ZNF285: variants seen among roughly 807,000 people sequenced by gnomAD.
ZNF285 encodes zinc finger protein 285A.
ZNF285 carries 4 observed loss-of-function variants against 6.2 expected under a neutral mutation model. The ratio of observed to expected loss-of-function variants is 0.65; its 90% CI spans 0.32 to 1.49. ZNF285 has a LOEUF of 1.49. Among genes scored for constraint, ZNF285 ranks in the 40% most tolerant of loss-of-function variants. ZNF285 has a pLI of 0.07. For synonymous variants in ZNF285, 240 were observed against 245.8 expected (o/e 0.98, Z 0.22); for missense variants, 695 against 708.8 (o/e 0.98, Z 0.22).
intron 2 of ZNF285, among the ~76,000 whole-genome samples, chr19:44,395,544 G>T (rs1269265761): frequency 6.6e-6 from 1 of 152,116 alleles, no homozygotes; most frequent in African/African-American, 2.4e-5. Flanking sequence ...GATAATCAGG[G>T]AAATTTGATT....
intron 2 of ZNF285, among the ~76,000 whole-genome samples, chr19:44,393,453 C>T (rs1225491666): frequency 6.6e-6 from 1 of 152,124 alleles, no homozygotes; most frequent in East Asian, 1.9e-4. Context: ...TGTTCATATC[C>T]TTCACCCACT....
chr19:44,394,673 A>G (rs1376265845), intron 2 of ZNF285: 11 of 410,308 alleles, frequency 2.7e-5, no homozygotes, highest in Non-Finnish European at 4.7e-5. Context: ...TTAAGTATTT[A>G]CAGATATGTT....
At position 44,386,213 on chromosome 19, in the gene ZNF285, T is replaced by A. The variant is rs1161022203; in HGVS notation, c.*259A>T. ...CTTTAATGGAAATTTGACCACTAACTACAACCACTACCACAAACCACCCAT... is the reference window on the plus strand; with the variant it reads ...CTTTAATGGAAATTTGACCACTAACAACAACCACTACCACAAACCACCCAT... On this transcript the variant is annotated 3_prime_UTR_variant, in exon 4 of 4. Transcript: ENST00000614994. 5.1e-6 allele frequency: 2 copies of A among 395,774 alleles called. No individual in the cohort carries two copies. The highest frequency in any genetic ancestry group is 9.1e-6 in the Non-Finnish European group (2 of 219,884). The allele number at this position is 395,774 out of a possible 1,614,324, so 24.5% of individuals were successfully genotyped here. A position where few individuals can be genotyped will look rare whatever the true frequency, so the allele number is the denominator to read the frequency against.
At chr19:44,399,274 G>C (rs1971335628) in intron 1 of ZNF285, among the ~76,000 whole-genome samples, 1 of 144,652 alleles carries the variant, frequency 6.9e-6, no homozygotes, top group African/African-American at 2.8e-5. Context: ...CTCCAACAAA[G>C]GCCAAAATAA....
At chr19:44,395,332 A>G in intron 2 of ZNF285, among the ~76,000 whole-genome samples, 1 of 152,184 alleles carries the variant, frequency 6.6e-6, no homozygotes, top group Admixed American at 6.5e-5. Flanking sequence ...AAAAGGAAGC[A>G]AACAAATGCA....
chr19:44,390,819 T>G (rs1200237146), intron 3 of ZNF285, among the ~76,000 whole-genome samples: 1 of 152,052 alleles, frequency 6.6e-6, no homozygotes, highest in Non-Finnish European at 1.5e-5. Context: ...CTGTGTTTTC[T>G]CATGATAGTG....
intron 2 of ZNF285, among the ~76,000 whole-genome samples, chr19:44,394,053 A>G (rs1387284726): frequency 6.6e-6 from 1 of 152,174 alleles, no homozygotes; most frequent in Non-Finnish European, 1.5e-5. Flanking sequence ...AATGTGGCAT[A>G]TATACACCAT....
chr19:44,392,030 G>C (rs1160285988), intron 3 of ZNF285, among the ~76,000 whole-genome samples: 1 of 152,030 alleles, frequency 6.6e-6, no homozygotes, highest in Non-Finnish European at 1.5e-5. Flanking sequence ...AATTTTATCA[G>C]TCTCATTCTG....
rs949785169 is a variant in ZNF285, at chr19:44,383,896, T to C, written c.*2576A>G. 10 of 152,202 alleles carry C rather than the reference T, an allele frequency of 6.6e-5. No homozygotes were observed. The highest frequency in any genetic ancestry group is 2.4e-4 in the African/African-American group (10 of 41,446). 9.4% of individuals were successfully genotyped at this position (152,202 alleles called of 1,614,324 possible). On this transcript the variant is annotated 3_prime_UTR_variant, in exon 4 of 4. Transcript: ENST00000614994. ...AACAATTTTGTGAAGTAGGGAGACA[T>C]TCCTGTTAGCATCATATATTTAAAA...
chr19:44,390,700 C>G (rs1192468381), intron 3 of ZNF285, among the ~76,000 whole-genome samples: 47 of 151,900 alleles, frequency 3.1e-4, no homozygotes, highest in Non-Finnish European at 1.5e-5. Flanking sequence ...ATAATATGGT[C>G]TGGCTGTGTC....
Position 44,386,883 on chromosome 19 carries a change from T to A in ZNF285, c.1362A>T (p.Lys454Asn), listed in dbSNP as rs761680295. The A allele has an allele frequency of 6.2e-7, 1 of 1,614,142 alleles. No homozygotes were observed. The highest frequency in any genetic ancestry group is 8.5e-7 in the Non-Finnish European group (1 of 1,180,016). ...HIHQRVHTGE[K>N]PYKCNVCGKD... ...TTCCACACACATTGCATTTGTATGG[T>A]TTCTCCCCTGTGTGGACTCTCTGGT... The change falls in exon 4 of 4, where the codon AAA becomes AAT. Residue 454 changes from lysine (K) to asparagine (N), a missense_variant. Lys to Asn is a moderately conservative substitution (Grantham distance 94). Coordinates refer to ENST00000614994, the MANE Select transcript of ZNF285 (RefSeq NM_152354.6).
intron 3 of ZNF285, among the ~76,000 whole-genome samples, chr19:44,389,420 G>T (rs1420551176): frequency 6.6e-6 from 1 of 152,138 alleles, no homozygotes; most frequent in Non-Finnish European, 1.5e-5. Context: ...ACCATGAGCT[G>T]CCCCGAATGG....
rs530584112 is a variant in ZNF285, at chr19:44,397,388, G to A, written c.-43-132C>T. 3.5e-5 allele frequency: 38 copies of A among 1,078,290 alleles called. 1 individual carries two copies. The African/African-American group carries it at 4.6e-4, about 13-fold the overall frequency. The allele number at this position is 1,078,290 out of a possible 1,614,324, so 66.8% of individuals were successfully genotyped here. A position where few individuals can be genotyped will look rare whatever the true frequency, so the allele number is the denominator to read the frequency against. On this transcript the variant is annotated intron_variant, in intron 1 of 3. Coordinates refer to ENST00000614994, the MANE Select transcript of ZNF285 (RefSeq NM_152354.6). ...ATATCATCTCTTCTCGCTCTGAACA[G>A]ACTGAACTCCCACCTCCTCAAGACT... is the stretch of plus-strand genomic sequence containing the variant.
intron 2 of ZNF285, among the ~76,000 whole-genome samples, chr19:44,394,830 C>T (rs1971254142): frequency 2.6e-5 from 4 of 152,158 alleles, no homozygotes; most frequent in Admixed American, 1.3e-4. Flanking sequence ...CTAGGGGAGT[C>T]AGCACGGTTG....
chr19:44,386,820 CT>C lies in ZNF285; in HGVS notation c.1424del (p.Gln475ArgfsTer89). On this transcript the variant is annotated frameshift_variant, in exon 4 of 4. Transcript: ENST00000614994. LOFTEE classifies it low-confidence loss of function (END_TRUNC). ...ATGGTTTTTCTCCAGTGTGAACTCT[CT>C]GATGAGTGTGAAGAACAGAGCTATA... ...FAYSSVLHTHQRVHTGEKPYK... is the reference protein window; with the variant it reads ...FAYSSVLHTHXRVHTGEKPYK... 1 of 1,614,246 alleles carries C rather than the reference CT, an allele frequency of 6.2e-7. No homozygotes were observed. Among genetic ancestry groups the C allele is most frequent in the African/African-American group, 1.3e-5 (1 of 75,072 alleles).
chr19:44,382,529 A>T lies in ZNF285; in HGVS notation c.*3943T>A, dbSNP rs1329358715. On this transcript the variant is annotated 3_prime_UTR_variant, in exon 4 of 4. Transcript: ENST00000614994. ...TGGCCAGGCTGGTCTCAAACTCCTG[A>T]TCTTGTGATTCAGCCACCTTGGCCT... The T allele has an allele frequency of 6.6e-6, 1 of 151,966 alleles. No homozygotes were observed. Among genetic ancestry groups the T allele is most frequent in the Non-Finnish European group, 1.5e-5 (1 of 68,062 alleles). The allele number at this position is 151,966 out of a possible 1,614,324, so 9.4% of individuals were successfully genotyped here.
chr19:44,390,383 A>C (rs2123270996), intron 3 of ZNF285, among the ~76,000 whole-genome samples: 1 of 152,264 alleles, frequency 6.6e-6, no homozygotes, highest in Middle Eastern at 3.4e-3. Context: ...GACTTTTAAG[A>C]TTTGACTGCC....
In ZNF285 at chr19:44,395,074, C is replaced by A. The variant is rs561009681; in HGVS notation, c.15+2125G>T. Among the ~76,000 whole-genome samples the A allele has an allele frequency of 6.6e-5, 10 of 152,154 alleles. 1 individual carries two copies. Among genetic ancestry groups the A allele is most frequent in the Non-Finnish European group, 1.5e-5 (1 of 68,046 alleles). On this transcript the variant is annotated intron_variant, in intron 2 of 3. Coordinates refer to ENST00000614994, the MANE Select transcript of ZNF285 (RefSeq NM_152354.6). The stretch of plus-strand genomic sequence containing the variant: ...AAACAAAACACTCATTTCTCCACCA[C>A]CCTTGTAGCTGGATGGATCCCTTGT...
intron 3 of ZNF285, among the ~76,000 whole-genome samples, chr19:44,390,424 T>C (rs1319608711): frequency 6.6e-6 from 1 of 152,146 alleles, no homozygotes; most frequent in African/African-American, 2.4e-5. Flanking sequence ...ATGGGGCCTG[T>C]AGCCCCTTTG....
Sources: gnomAD v4.1 joint callset for allele counts (sites outside exome capture counted in the v4.1 genomes callset) on GRCh38, gnomAD v4.1.1 for gene constraint, MANE v1.5 for transcripts, NCBI Gene and HGNC (gene_info 2026-07-23, HGNC 2026-07-21) for gene names.